PAPSS1: variants seen among roughly 807,000 people sequenced by gnomAD.
PAPSS1 encodes bifunctional 3'-phosphoadenosine 5'-phosphosulfate synthase 1.
A neutral mutation model predicts 72.0 loss-of-function variants in PAPSS1; 50 were observed. The observed-to-expected ratio is 0.69, with a 90% confidence interval of 0.55 to 0.88. PAPSS1 has a LOEUF of 0.88. PAPSS1 is among the 40% of genes least tolerant of loss of function. The pLI is 0.00. For synonymous variants in PAPSS1, 261 were observed against 263.6 expected (o/e 0.99, Z 0.09); for missense variants, 657 against 782.2 (o/e 0.84, Z 1.91).
At chr4:107,651,307 T>C (rs928347446) in intron 9 of PAPSS1, among the ~76,000 whole-genome samples, 12 of 152,114 alleles carry the variant, frequency 7.9e-5, no homozygotes, top group Non-Finnish European at 1.5e-4. Flanking sequence ...CTTAACCCAT[T>C]TTATTAAGTT....
chr4:107,683,132 T>C (rs1204468301), intron 4 of PAPSS1, among the ~76,000 whole-genome samples: 1 of 152,152 alleles, frequency 6.6e-6, no homozygotes, highest in East Asian at 1.9e-4. Context: ...TCGGAAAGCT[T>C]AGGTCATTCT....
At chr4:107,713,497 C>T (rs1048887425) in intron 1 of PAPSS1, among the ~76,000 whole-genome samples, 3 of 152,028 alleles carry the variant, frequency 2.0e-5, no homozygotes, top group Non-Finnish European at 1.5e-5. Context: ...TGGTGACCCA[C>T]GCCTGTAATC....
intron 2 of PAPSS1, among the ~76,000 whole-genome samples, chr4:107,696,647 C>A (rs1016765875): frequency 6.6e-6 from 1 of 151,792 alleles, no homozygotes; most frequent in East Asian, 1.9e-4. Context: ...GGCTTAAAAC[C>A]CAGATGATGG....
intron 1 of PAPSS1, among the ~76,000 whole-genome samples, chr4:107,712,804 C>T (rs932559417): frequency 3.3e-5 from 5 of 149,898 alleles, no homozygotes; most frequent in African/African-American, 4.9e-5. Flanking sequence ...ACCAGGGATG[C>T]GGAGGTTGCA....
intron 11 of PAPSS1, among the ~76,000 whole-genome samples, chr4:107,629,277 A>G (rs1227486910): frequency 6.6e-6 from 1 of 152,236 alleles, no homozygotes; most frequent in Non-Finnish European, 1.5e-5. Flanking sequence ...TTATGGGGAT[A>G]ATGTCCCAAA....
At chr4:107,636,348 GC>G (rs2110305918) in intron 10 of PAPSS1, among the ~76,000 whole-genome samples, 1 of 152,254 alleles carries the variant, frequency 6.6e-6, no homozygotes, top group East Asian at 1.9e-4. Context: ...AGGTTAAGAA[GC>G]AGTTTTACGA....
intron 10 of PAPSS1, among the ~76,000 whole-genome samples, chr4:107,632,074 T>C (rs1726238484): frequency 6.6e-6 from 1 of 151,994 alleles, no homozygotes; most frequent in Non-Finnish European, 1.5e-5. Context: ...TATCCACAAA[T>C]ATTTATGGAT....
At chr4:107,676,343 A>C (rs536668303) in intron 5 of PAPSS1, among the ~76,000 whole-genome samples, 44 of 152,350 alleles carry the variant, frequency 2.9e-4, no homozygotes, top group African/African-American at 1.0e-3. Flanking sequence ...AAGTCTCAGG[A>C]TACAAAATCA....
chr4:107,693,460 T>C (rs1164657556), intron 3 of PAPSS1, among the ~76,000 whole-genome samples: 1 of 152,214 alleles, frequency 6.6e-6, no homozygotes, highest in Non-Finnish European at 1.5e-5. Flanking sequence ...CTGTCAAGTA[T>C]TCACTATAGT....
intron 5 of PAPSS1, among the ~76,000 whole-genome samples, chr4:107,674,779 G>T (rs961469712): frequency 6.6e-6 from 1 of 151,878 alleles, no homozygotes; most frequent in African/African-American, 2.4e-5. Flanking sequence ...CCACATAGTT[G>T]GAAGTAAAGC....
At chr4:107,653,777 T>TA in intron 8 of PAPSS1, 151 bp from the exon 9 acceptor site, 1 of 534,226 alleles carries the variant, frequency 1.9e-6, no homozygotes, top group Non-Finnish European at 3.1e-6. Context: ...TTAGAGATGC[T>TA]ATAAAATTAG....
intron 11 of PAPSS1, 76 bp downstream of exon 11, chr4:107,631,555 G>T: frequency 9.9e-7 from 1 of 1,009,098 alleles, no homozygotes; most frequent in Non-Finnish European, 1.5e-6. Flanking sequence ...GTAAAGATTA[G>T]ACAATAAGCT....
intron 10 of PAPSS1, among the ~76,000 whole-genome samples, chr4:107,641,211 C>T (rs921270300): frequency 2.0e-5 from 3 of 152,208 alleles, no homozygotes; most frequent in Admixed American, 1.3e-4. Context: ...TCAGTATCTG[C>T]TCACCCTCAT....
At chr4:107,678,993 A>G (rs1366520890) in intron 5 of PAPSS1, among the ~76,000 whole-genome samples, 1 of 152,154 alleles carries the variant, frequency 6.6e-6, no homozygotes, top group Non-Finnish European at 1.5e-5. Flanking sequence ...CAAACCAGGT[A>G]GCCAGTACAA....
intron 11 of PAPSS1, among the ~76,000 whole-genome samples, chr4:107,624,595 A>G (rs1009365402): frequency 6.6e-6 from 1 of 152,196 alleles, no homozygotes; most frequent in African/African-American, 2.4e-5. Context: ...CAGTATATAT[A>G]AAATATATAA....
intron 3 of PAPSS1, among the ~76,000 whole-genome samples, chr4:107,690,054 T>C (rs1722877797): frequency 6.6e-6 from 1 of 152,102 alleles, no homozygotes; most frequent in Admixed American, 6.6e-5. Flanking sequence ...CACATCCTCT[T>C]CCCTGAAGGA....
chr4:107,616,215 G>T (rs1417812697), intron 11 of PAPSS1, among the ~76,000 whole-genome samples: 1 of 151,734 alleles, frequency 6.6e-6, no homozygotes, highest in Non-Finnish European at 1.5e-5. Context: ...TCTTACAAGT[G>T]CTTTTTATTT....
intron 10 of PAPSS1, among the ~76,000 whole-genome samples, chr4:107,640,429 C>G (rs1315489699): frequency 7.2e-4 from 109 of 152,280 alleles, no homozygotes; most frequent in Non-Finnish European, 1.0e-4. Context: ...GTACCAATGC[C>G]TTCTAAATGA....
chr4:107,679,765 A>C (rs1161359180), intron 5 of PAPSS1, among the ~76,000 whole-genome samples: 1 of 150,202 alleles, frequency 6.7e-6, no homozygotes, highest in African/African-American at 2.5e-5. Flanking sequence ...TGCAACTTCC[A>C]CCCCCCCAGA....
Sources: allele counts gnomAD v4.1 joint callset (sites outside exome capture counted in the v4.1 genomes callset), GRCh38; gene constraint gnomAD v4.1.1; transcripts MANE v1.5; gene names NCBI Gene and HGNC (gene_info 2026-07-23, HGNC 2026-07-21).